The following CUX1 variants were observed in gnomAD, a reference collection of about 807,000 sequenced individuals.
CUX1 encodes protein CASP.
Under a neutral mutation model 158.8 loss-of-function variants are expected in CUX1, and 31 were observed. That is an observed-to-expected ratio of 0.20 (90% CI 0.15 to 0.26). CUX1 has a LOEUF of 0.26. CUX1 is among the 10% of genes least tolerant of loss of function. CUX1 has a pLI of 1.00. For missense variants in CUX1, 1,589 were observed against 2,014.6 expected (o/e 0.79, Z 4.04); for synonymous variants, 879 against 862.1 (o/e 1.02, Z -0.34).
At chr7:102,087,026 ATCTT>A (rs1357141469) in intron 4 of CUX1, among the ~76,000 whole-genome samples, 1 of 152,050 alleles carries the variant, frequency 6.6e-6, no homozygotes, top group Non-Finnish European at 1.5e-5. Flanking sequence ...ACCTGTCTGT[ATCTT>A]TATGTTTAAG....
chr7:101,885,302 G>T (rs1302139984), intron 1 of CUX1, among the ~76,000 whole-genome samples: 1 of 152,156 alleles, frequency 6.6e-6, no homozygotes, highest in Middle Eastern at 3.2e-3. Flanking sequence ...TGTTTATGCA[G>T]AGGTGACTGT....
intron 5 of CUX1, among the ~76,000 whole-genome samples, chr7:102,098,093 TA>T (rs1829389676): frequency 6.6e-6 from 1 of 152,252 alleles, no homozygotes; most frequent in Admixed American, 6.5e-5. Flanking sequence ...CTCCTTTACC[TA>T]AAATCCAGAG....
chr7:101,929,083 G>A (rs1397543761), intron 2 of CUX1, among the ~76,000 whole-genome samples: 6 of 152,048 alleles, frequency 3.9e-5, no homozygotes, highest in African/African-American at 1.4e-4. Context: ...GTTTGAGGCA[G>A]GAGAATCGCT....
chr7:102,159,541 C>G (rs1321294540), intron 9 of CUX1, among the ~76,000 whole-genome samples: 1 of 152,224 alleles, frequency 6.6e-6, no homozygotes. Flanking sequence ...TTTGCTTTAG[C>G]TGGTGCTGCT....
chr7:102,220,015 G>A (rs1156756896), intron 20 of CUX1, among the ~76,000 whole-genome samples: 2 of 152,182 alleles, frequency 1.3e-5, no homozygotes, highest in Non-Finnish European at 2.9e-5. Context: ...TCATGCAAGG[G>A]TGTCTCATGT....
At chr7:102,217,309 A>G (rs1363829202) in intron 20 of CUX1, among the ~76,000 whole-genome samples, 1 of 152,252 alleles carries the variant, frequency 6.6e-6, no homozygotes, top group Non-Finnish European at 1.5e-5. Context: ...GAGCTTATAA[A>G]AGATACACAA....
Position 102,013,902 on chromosome 7 carries a change from G to C in CUX1, c.142-14196G>C, listed in dbSNP as rs369392416. On this transcript the variant is annotated intron_variant, in intron 2 of 23. Transcript: ENST00000292535. ...GTATTTTTTGTAGAGACAGGGTCTC[G>C]CCATGTTGCCCAAGCTGGTCTCGAA... Among the ~76,000 whole-genome samples, 14 of 151,842 alleles carry C rather than the reference G, an allele frequency of 9.2e-5. 2 individuals carry two copies. The East Asian group carries it at 2.1e-3, about 23-fold the overall frequency.
chr7:102,155,303 G>A (rs1016256578), intron 8 of CUX1, among the ~76,000 whole-genome samples: 1 of 152,042 alleles, frequency 6.6e-6, no homozygotes, highest in South Asian at 2.1e-4. Flanking sequence ...CAGCACTTTG[G>A]GAGGCCAAAG....
rs956334025 is a variant in CUX1 at position 102,250,776 on chromosome 7, G to C, written c.*1734G>C. ...TATGCGTGAGAATAGAGGCGGGTGA[G>C]AGTGTGCGTGCGTGTGCGTGTGTGC... On this transcript the variant is annotated 3_prime_UTR_variant, in exon 24 of 24. Transcript: ENST00000292535. The C allele has an allele frequency of 2.0e-6, 2 of 985,274 alleles. No individual in the cohort carries two copies. The highest frequency in any genetic ancestry group is 1.1e-4 in the East Asian group (1 of 8,814). 61.0% of individuals were successfully genotyped at this position (985,274 alleles called of 1,614,324 possible).
rs556854655 is a variant in CUX1, at chr7:102,021,150, C to T, written c.142-6948C>T. 6.6e-5 allele frequency among the ~76,000 whole-genome samples: 10 copies of T among 152,180 alleles called. No homozygotes were observed. In the South Asian group the frequency reaches 8.3e-4, roughly 13 times the overall value. On this transcript the variant is annotated intron_variant, in intron 2 of 23. Transcript: ENST00000292535. The stretch of plus-strand genomic sequence containing the variant: ...GCTCTTGGAAAGACTACATTGTCTC[C>T]GAAGGAGAAAGGGTCCCACCCCTGA...
intron 8 of CUX1, among the ~76,000 whole-genome samples, chr7:102,141,615 G>A (rs1834466649): frequency 6.6e-6 from 1 of 151,876 alleles, no homozygotes; most frequent in Admixed American, 6.6e-5. Context: ...CTCTGCCTCT[G>A]CCACCAAAGC....
At chr7:102,030,327 T>C (rs1356302095) in intron 3 of CUX1, among the ~76,000 whole-genome samples, 1 of 152,092 alleles carries the variant, frequency 6.6e-6, no homozygotes, top group African/African-American at 2.4e-5. Flanking sequence ...ATATGCTCTT[T>C]ACCCAGATCC....
chr7:102,016,057 C>A (rs1362007781), intron 2 of CUX1, among the ~76,000 whole-genome samples: 1 of 152,114 alleles, frequency 6.6e-6, no homozygotes, highest in East Asian at 1.9e-4. Flanking sequence ...TCAAGCGATC[C>A]TCCCTTAGCC....
intron 4 of CUX1, among the ~76,000 whole-genome samples, chr7:102,096,461 C>T (rs868990386): frequency 2.0e-4 from 31 of 152,298 alleles, no homozygotes; most frequent in Middle Eastern, 3.4e-3. Context: ...CGCCTGTAAT[C>T]CTTTGGGAGG....
chr7:101,960,140 C>T lies in CUX1; in HGVS notation c.141+43915C>T, dbSNP rs1002041554. ...ACTGTGTTTGCCCTGATGTTTCTTT[C>T]AATTCCACCATTCCGAAATGTCTCC... On this transcript the variant is annotated intron_variant, in intron 2 of 23. Transcript: ENST00000292535. The T allele has an allele frequency of 2.0e-5, 3 of 152,172 alleles. No individual in the cohort carries two copies. In the East Asian group the frequency reaches 5.8e-4, roughly 29 times the overall value. The allele number at this position is 152,172 out of a possible 1,614,324, so 9.4% of individuals were successfully genotyped here.
At chr7:102,159,205 C>T (rs570934609) in intron 9 of CUX1, among the ~76,000 whole-genome samples, 10 of 151,816 alleles carry the variant, frequency 6.6e-5, no homozygotes, top group African/African-American at 2.4e-4. Flanking sequence ...GACATCTCAC[C>T]ACGGTGTTAT....
intron 1 of CUX1, among the ~76,000 whole-genome samples, chr7:101,826,871 C>T (rs1201885083): frequency 1.3e-5 from 2 of 152,158 alleles, no homozygotes; most frequent in East Asian, 3.9e-4. Flanking sequence ...CACAGGCCCC[C>T]ACTCTCTGCC....
chr7:101,871,905 C>T (rs1798594380), intron 1 of CUX1, among the ~76,000 whole-genome samples: 1 of 151,722 alleles, frequency 6.6e-6, no homozygotes, highest in Non-Finnish European at 1.5e-5. Context: ...GTAATCCCAG[C>T]TACTTGGGAG....
At chr7:102,047,482 T>C (rs1822953538) in intron 3 of CUX1, among the ~76,000 whole-genome samples, 1 of 145,056 alleles carries the variant, frequency 6.9e-6, no homozygotes, top group African/African-American at 2.6e-5. Flanking sequence ...TATGGATGGA[T>C]GAAGGGAGAG....
Sources: gnomAD v4.1 joint callset for allele counts (sites outside exome capture counted in the v4.1 genomes callset) on GRCh38, gnomAD v4.1.1 for gene constraint, MANE v1.5 for transcripts, NCBI Gene and HGNC (gene_info 2026-07-23, HGNC 2026-07-21) for gene names.